CDH18: variants seen among roughly 807,000 people sequenced by gnomAD.
The protein encoded by CDH18 is cadherin-18.
A neutral mutation model predicts 67.9 loss-of-function variants in CDH18; 31 were observed. That is an observed-to-expected ratio of 0.46 (90% CI 0.34 to 0.62). The LOEUF (loss-of-function observed/expected upper bound fraction) is 0.62, where lower values mean the gene tolerates loss of function less well. CDH18 is among the 20% of genes least tolerant of loss of function. CDH18 has a pLI of 0.01. For synonymous variants in CDH18, 362 were observed against 347.2 expected (o/e 1.04, Z -0.48); for missense variants, 890 against 975.5 (o/e 0.91, Z 1.17).
chr5:20,329,627 G>T (rs769176930), intron 1 of CDH18, among the ~76,000 whole-genome samples: 1 of 151,740 alleles, frequency 6.6e-6, no homozygotes, highest in Admixed American at 6.6e-5. Context: ...AAAATTAGCC[G>T]GACGTGGTGG....
chr5:20,273,349 G>A (rs1439296836), intron 1 of CDH18, among the ~76,000 whole-genome samples: 1 of 151,936 alleles, frequency 6.6e-6, no homozygotes, highest in Non-Finnish European at 1.5e-5. Flanking sequence ...CAAAGAGCTC[G>A]AGAGATTAAG....
intron 3 of CDH18, among the ~76,000 whole-genome samples, chr5:19,791,405 T>C (rs565450959): frequency 1.5e-5 from 2 of 133,766 alleles, no homozygotes; most frequent in Admixed American, 7.9e-5. Context: ...GTTCAGCACA[T>C]ATTTAGTAGG....
chr5:20,112,413 C>T (rs1747555444), intron 2 of CDH18, among the ~76,000 whole-genome samples: 1 of 152,138 alleles, frequency 6.6e-6, no homozygotes, highest in African/African-American at 2.4e-5. Context: ...TTAGATTGTG[C>T]TTTCTATATG....
chr5:20,549,916 G>A (rs918408232), intron 1 of CDH18, among the ~76,000 whole-genome samples: 4 of 152,120 alleles, frequency 2.6e-5, no homozygotes, highest in Admixed American at 6.6e-5. Flanking sequence ...TTCAACATAT[G>A]CAAGAGATGA....
At chr5:20,296,021 G>A (rs1338315683) in intron 1 of CDH18, among the ~76,000 whole-genome samples, 2 of 150,546 alleles carry the variant, frequency 1.3e-5, no homozygotes, top group Non-Finnish European at 3.0e-5. Context: ...CCAGGCACAT[G>A]CCACCATGCC....
At chr5:20,278,083 G>T (rs1185200538) in intron 1 of CDH18, among the ~76,000 whole-genome samples, 1 of 152,052 alleles carries the variant, frequency 6.6e-6, no homozygotes, top group South Asian at 2.1e-4. Context: ...GATAATGAGA[G>T]CCTGGGTAGA....
intron 1 of CDH18, among the ~76,000 whole-genome samples, chr5:20,334,748 TCTCATACACACACA>T (rs1739557874): frequency 8.5e-6 from 1 of 117,488 alleles, no homozygotes; most frequent in African/African-American, 3.9e-5. Flanking sequence ...TCTCTCTCTC[TCTCATACACACACA>T]CACACACACA....
chr5:20,482,642 A>C (rs79040629), intron 1 of CDH18, among the ~76,000 whole-genome samples: 6,326 of 152,222 alleles, frequency 0.042, 433 homozygotes, highest in African/African-American at 0.14. Context: ...TCAATGTGAT[A>C]TATCATATGA....
At chr5:20,530,874 A>AG (rs1427826595) in intron 1 of CDH18, among the ~76,000 whole-genome samples, 2 of 152,112 alleles carry the variant, frequency 1.3e-5, no homozygotes, top group African/African-American at 4.8e-5. Flanking sequence ...AACAAGAGTA[A>AG]AAATTGACCA....
chr5:19,607,662 C>T (rs1330459864), intron 6 of CDH18, among the ~76,000 whole-genome samples: 1 of 151,002 alleles, frequency 6.6e-6, no homozygotes, highest in Non-Finnish European at 1.5e-5. Context: ...TGTAGTAAAT[C>T]AACAAAAGCA....
chr5:19,793,412 T>C (rs552884207), intron 3 of CDH18, among the ~76,000 whole-genome samples: 1 of 152,270 alleles, frequency 6.6e-6, no homozygotes, highest in Non-Finnish European at 1.5e-5. Flanking sequence ...TTCCTGGAAC[T>C]GCATCAGAAG....
Position 19,844,826 on chromosome 5 carries a change from T to A in CDH18, c.-256-5584A>T, listed in dbSNP as rs985428295. On this transcript the variant is annotated intron_variant, in intron 2 of 12. Transcript: ENST00000382275. ...TCTAGTGGCAAGTACTTGATATAAT[T>A]TCTAGCTGTCTAAATTCCATTGTTT... 2.6e-5 allele frequency among the ~76,000 whole-genome samples: 4 copies of A among 152,270 alleles called. No homozygotes were observed. In the South Asian group the frequency reaches 6.2e-4, roughly 24 times the overall value.
intron 2 of CDH18, among the ~76,000 whole-genome samples, chr5:19,974,965 T>C (rs1477153153): frequency 1.3e-5 from 2 of 152,126 alleles, no homozygotes. Flanking sequence ...GACTTAAATG[T>C]ACTCTTCTAC....
intron 2 of CDH18, among the ~76,000 whole-genome samples, chr5:20,078,136 C>A (rs1279831192): frequency 6.6e-6 from 1 of 152,172 alleles, no homozygotes; most frequent in East Asian, 1.9e-4. Flanking sequence ...ATCTTTAAAA[C>A]AGTAATGTCA....
chr5:19,551,529 CATA>C (rs1737447846), intron 8 of CDH18, among the ~76,000 whole-genome samples: 1 of 152,022 alleles, frequency 6.6e-6, no homozygotes, highest in Admixed American at 6.6e-5. Flanking sequence ...GAACCATTTA[CATA>C]ATAATTTTCT....
intron 2 of CDH18, among the ~76,000 whole-genome samples, chr5:20,108,931 T>A (rs1278240340): frequency 1.3e-5 from 2 of 152,206 alleles, no homozygotes; most frequent in African/African-American, 2.4e-5. Flanking sequence ...TTTCCTCACA[T>A]GTATGTAATA....
rs980548748 is a variant in CDH18, at chr5:20,546,831, A to C, written c.-580+28631T>G. Among the ~76,000 whole-genome samples, 4 of 151,720 alleles carry C rather than the reference A, an allele frequency of 2.6e-5. No individual in the cohort carries two copies. In the South Asian group the frequency reaches 8.3e-4, roughly 31 times the overall value. On this transcript the variant is annotated intron_variant, in intron 1 of 14. Coordinates refer to the CDH18 transcript ENST00000507958. ...TGCCACAGGCCTTTCAACCAAGCAT[A>C]CTGAAAAAACAATTTATTTGTTTTA...
intron 2 of CDH18, among the ~76,000 whole-genome samples, chr5:20,035,518 C>T (rs1739774203): frequency 1.3e-5 from 2 of 151,998 alleles, no homozygotes; most frequent in Admixed American, 1.3e-4. Flanking sequence ...GAAGCAGTCA[C>T]ATCTTACATG....
intron 1 of CDH18, among the ~76,000 whole-genome samples, chr5:20,527,146 G>A (rs1038065778): frequency 3.9e-5 from 6 of 151,958 alleles, no homozygotes; most frequent in Admixed American, 3.3e-4. Flanking sequence ...CCAAACAACT[G>A]GAAGAGAGAA....
Sources: gnomAD v4.1 joint callset for allele counts (sites outside exome capture counted in the v4.1 genomes callset) on GRCh38, gnomAD v4.1.1 for gene constraint, MANE v1.5 for transcripts, NCBI Gene and HGNC (gene_info 2026-07-23, HGNC 2026-07-21) for gene names.